The following RAPGEF6 variants were observed in gnomAD, a reference collection of about 807,000 sequenced individuals.
The protein encoded by RAPGEF6 is Rap guanine nucleotide exchange factor 6, also known as PDZ domain containing guanine nucleotide exchange factor (GEF) 2.
In RAPGEF6, 56 loss-of-function variants were observed where a neutral mutation model predicts 171.4. The observed-to-expected ratio is 0.33, with a 90% CI of 0.26 to 0.41. The LOEUF (loss-of-function observed/expected upper bound fraction) is 0.41. Among genes scored for constraint, RAPGEF6 ranks in the 10% least tolerant of loss-of-function variants. The pLI is 1.00. For missense variants in RAPGEF6, 1,674 were observed against 1,921.4 expected (o/e 0.87, Z 2.41); for synonymous variants, 692 against 650.1 (o/e 1.06, Z -0.98).
chr5:131,475,050 C>G (rs554957400), intron 16 of RAPGEF6, among the ~76,000 whole-genome samples: 1 of 152,298 alleles, frequency 6.6e-6, no homozygotes, highest in East Asian at 1.9e-4. Flanking sequence ...CTTGCTGATG[C>G]TATTTAACAT....
intron 18 of RAPGEF6, chr5:131,463,631 T>C (rs957144372): frequency 3.8e-5 from 26 of 687,854 alleles, no homozygotes; most frequent in Non-Finnish European, 3.8e-5. Context: ...AGAAATAATC[T>C]AGTTTATTAA....
At chr5:131,482,712 C>T (rs796088374) in intron 15 of RAPGEF6, among the ~76,000 whole-genome samples, 5 of 152,310 alleles carry the variant, frequency 3.3e-5, no homozygotes, top group African/African-American at 1.2e-4. Context: ...GTGGAACTTA[C>T]AGTCAGTCTA....
intron 24 of RAPGEF6, chr5:131,435,632 T>C (rs1751964612): frequency 4.8e-6 from 1 of 206,732 alleles, no homozygotes; most frequent in African/African-American, 2.3e-5. Context: ...GATTCTGATA[T>C]TGCTATGTTA....
intron 4 of RAPGEF6, among the ~76,000 whole-genome samples, chr5:131,565,097 G>T (rs1448174529): frequency 6.6e-6 from 1 of 152,022 alleles, no homozygotes; most frequent in East Asian, 1.9e-4. Flanking sequence ...AACTATTTGA[G>T]TTCCTAGAAC....
intron 1 of RAPGEF6, among the ~76,000 whole-genome samples, chr5:131,608,757 A>G (rs1764759602): frequency 6.6e-6 from 1 of 151,864 alleles, no homozygotes; most frequent in Non-Finnish European, 1.5e-5. Flanking sequence ...GAGGGTTGTT[A>G]AAAAAAGTCT....
intron 11 of RAPGEF6, 150 bp downstream of exon 11, chr5:131,504,474 AAT>A: frequency 1.1e-6 from 1 of 870,272 alleles, no homozygotes; most frequent in South Asian, 2.3e-5. Flanking sequence ...AAAAAAAAAA[AAT>A]TTTAGAGAAA....
chr5:131,569,448 A>G (rs1032363430), intron 4 of RAPGEF6, among the ~76,000 whole-genome samples: 1 of 152,338 alleles, frequency 6.6e-6, no homozygotes, highest in Admixed American at 6.5e-5. Context: ...AAAGGTACCA[A>G]GGCAATTCAA....
intron 4 of RAPGEF6, among the ~76,000 whole-genome samples, chr5:131,563,916 T>C (rs1043372491): frequency 2.6e-5 from 4 of 152,056 alleles, no homozygotes; most frequent in African/African-American, 9.7e-5. Context: ...TCATGCAAGA[T>C]GGAATAACAG....
intron 20 of RAPGEF6, among the ~76,000 whole-genome samples, chr5:131,453,496 C>T (rs1753250630): frequency 6.6e-6 from 1 of 152,046 alleles, no homozygotes; most frequent in Non-Finnish European, 1.5e-5. Flanking sequence ...AAGGCCGAGG[C>T]AGGAGGATTG....
At chr5:131,624,426 G>A (rs751576231) in intron 1 of RAPGEF6, among the ~76,000 whole-genome samples, 2 of 152,170 alleles carry the variant, frequency 1.3e-5, no homozygotes, top group Non-Finnish European at 2.9e-5. Context: ...CAAGAGAGGA[G>A]GTTAAAAGTC....
chr5:131,472,341 G>A, intron 17 of RAPGEF6: 1 of 493,454 alleles, frequency 2.0e-6, no homozygotes, highest in South Asian at 1.9e-5. Context: ...AAAGTGCTGG[G>A]ATTACAGGCG....
chr5:131,488,532 G>A (rs1055146636), intron 15 of RAPGEF6, among the ~76,000 whole-genome samples: 2 of 151,900 alleles, frequency 1.3e-5, no homozygotes, highest in Non-Finnish European at 2.9e-5. Context: ...AATTCTGAAG[G>A]CTTACTTACT....
intron 6 of RAPGEF6, among the ~76,000 whole-genome samples, chr5:131,545,522 T>G (rs979147942): frequency 6.6e-6 from 1 of 152,148 alleles, no homozygotes; most frequent in Non-Finnish European, 1.5e-5. Context: ...AAGAACCCTA[T>G]AAAGGCCATT....
intron 22 of RAPGEF6, among the ~76,000 whole-genome samples, chr5:131,444,459 C>T (rs914974515): frequency 4.6e-5 from 7 of 152,048 alleles, no homozygotes; most frequent in African/African-American, 1.7e-4. Flanking sequence ...TGACAAAAAC[C>T]ACATATATTC....
rs1756592032 is a variant in RAPGEF6, at chr5:131,495,606, C to G, written c.1474G>C (p.Asp492His). The stretch of plus-strand genomic sequence containing the variant: ...TCTAGAAATCGAGTCATAGCAGGGT[C>G]ACCTTCAAAATCATTAAAATGATTA... ...VNNHFNDFEG[D>H]PAMTRFLEEF... Residue 492 changes from aspartate (D) to histidine (H), a missense_variant, in exon 13 of 28, where the codon GAC becomes CAC. Transcript: ENST00000509018. The G allele has an allele frequency of 6.2e-7, 1 of 1,613,414 alleles. No individual in the cohort carries two copies. The highest frequency in any genetic ancestry group is 1.7e-5 in the Admixed American group (1 of 59,960).
chr5:131,609,723 T>TA (rs1764829422), intron 1 of RAPGEF6, among the ~76,000 whole-genome samples: 1 of 152,238 alleles, frequency 6.6e-6, no homozygotes, highest in South Asian at 2.1e-4. Flanking sequence ...AGTCATTTGA[T>TA]AACAAGTAGA....
chr5:131,588,551 T>G (rs1763398664), intron 4 of RAPGEF6, among the ~76,000 whole-genome samples: 1 of 152,080 alleles, frequency 6.6e-6, no homozygotes, highest in East Asian at 1.9e-4. Flanking sequence ...GAGACCAGCC[T>G]GGCCAACATG....
chr5:131,560,432 G>A (rs895576853), intron 5 of RAPGEF6, among the ~76,000 whole-genome samples: 1 of 152,152 alleles, frequency 6.6e-6, no homozygotes, highest in Non-Finnish European at 1.5e-5. Context: ...CATAAAGTAT[G>A]TAAAACAAGC....
At chr5:131,609,959 A>G (rs1428646070) in intron 1 of RAPGEF6, among the ~76,000 whole-genome samples, 1 of 152,180 alleles carries the variant, frequency 6.6e-6, no homozygotes, top group Non-Finnish European at 1.5e-5. Flanking sequence ...CAACCTTGGG[A>G]CCACTAGTCA....
Sources: gnomAD v4.1 joint callset for allele counts (sites outside exome capture counted in the v4.1 genomes callset) on GRCh38, gnomAD v4.1.1 for gene constraint, MANE v1.5 for transcripts, NCBI Gene and HGNC (gene_info 2026-07-23, HGNC 2026-07-21) for gene names.